Variants in IFT88 observed in about 807,000 individuals in gnomAD.
The protein encoded by IFT88 is intraflagellar transport protein 88 homolog.
A neutral mutation model predicts 119.5 loss-of-function variants in IFT88; 74 were observed. That is an observed-to-expected ratio of 0.62 (90% CI 0.51 to 0.75). IFT88 has a LOEUF of 0.75. IFT88 is among the 30% of genes least tolerant of loss of function. IFT88 has a pLI of 0.00. For missense variants in IFT88, 961 were observed against 977.7 expected (o/e 0.98, Z 0.23); for synonymous variants, 279 against 316.7 (o/e 0.88, Z 1.26).
chr13:20,666,216 C>T lies in IFT88; in HGVS notation c.2175+2612C>T, dbSNP rs534610187. Among the ~76,000 whole-genome samples the T allele has an allele frequency of 2.0e-5, 3 of 152,328 alleles. No homozygotes were observed. The South Asian group carries it at 6.2e-4, about 32-fold the overall frequency. The stretch of plus-strand genomic sequence containing the variant: ...CCTTTCTGGACTTCATTCTTATCAG[C>T]TGTAAAATGAGGATAGCGTTCTAGC... On this transcript the variant is annotated intron_variant, in intron 23 of 25. Transcript: ENST00000351808.
At chr13:20,655,305 G>A (rs539240564) in intron 21 of IFT88, among the ~76,000 whole-genome samples, 2 of 151,846 alleles carry the variant, frequency 1.3e-5, no homozygotes, top group East Asian at 1.9e-4. Context: ...GGTGGTGCAC[G>A]CCTGTAGTCC....
intron 13 of IFT88, among the ~76,000 whole-genome samples, chr13:20,609,866 C>T (rs546149325): frequency 4.6e-5 from 7 of 152,166 alleles, no homozygotes; most frequent in African/African-American, 1.7e-4. Flanking sequence ...GTGCTCAGGT[C>T]TGAGCTGAGG....
intron 24 of IFT88, among the ~76,000 whole-genome samples, chr13:20,678,200 T>G (rs1310661013): frequency 6.6e-6 from 1 of 152,174 alleles, no homozygotes; most frequent in Non-Finnish European, 1.5e-5. Flanking sequence ...CTCTCACACA[T>G]GGTGGTGAAA....
At chr13:20,653,040 T>A (rs2052052267) in intron 20 of IFT88, among the ~76,000 whole-genome samples, 1 of 152,170 alleles carries the variant, frequency 6.6e-6, no homozygotes, top group Non-Finnish European at 1.5e-5. Flanking sequence ...GAATCTTGGA[T>A]TTAGCATGTA....
At chr13:20,578,558 T>A (rs1249739582) in intron 2 of IFT88, among the ~76,000 whole-genome samples, 1 of 151,908 alleles carries the variant, frequency 6.6e-6, no homozygotes, top group Non-Finnish European at 1.5e-5. Flanking sequence ...GTTGTAGTTG[T>A]TGTTGTTTGA....
chr13:20,687,174 G>A (rs9579924), intron 24 of IFT88, among the ~76,000 whole-genome samples: 1 of 152,202 alleles, frequency 6.6e-6, no homozygotes, highest in Admixed American at 6.5e-5. Flanking sequence ...AATGTGTTAA[G>A]ATTTTTTTTG....
intron 14 of IFT88, among the ~76,000 whole-genome samples, chr13:20,621,526 T>TTAAAAAA (rs1476682272): frequency 3.1e-5 from 4 of 130,786 alleles, no homozygotes; most frequent in Middle Eastern, 4.0e-3. Context: ...CCTGCTGAGA[T>TTAAAAAA]AAAAAAAAAA....
intron 2 of IFT88, among the ~76,000 whole-genome samples, chr13:20,576,176 A>G (rs1276981765): frequency 1.3e-5 from 2 of 152,130 alleles, no homozygotes; most frequent in Non-Finnish European, 2.9e-5. Context: ...TTCTTTTTAG[A>G]AATATCTATT....
At chr13:20,578,358 CTTTTTTTTTTT>C (rs1158499742) in intron 2 of IFT88, among the ~76,000 whole-genome samples, 5 of 78,748 alleles carry the variant, frequency 6.3e-5, no homozygotes, top group Non-Finnish European at 1.0e-4. Flanking sequence ...AGTCTTGTTA[CTTTTTTTTTTT>C]TTTTTTTTTT....
intron 24 of IFT88, among the ~76,000 whole-genome samples, chr13:20,681,553 A>G (rs774705902): frequency 2.6e-5 from 4 of 152,276 alleles, no homozygotes; most frequent in Non-Finnish European, 5.9e-5. Flanking sequence ...GTCTAGCGTT[A>G]GATATTTCAG....
chr13:20,594,711 C>A (rs984132132), intron 7 of IFT88, among the ~76,000 whole-genome samples: 3 of 152,106 alleles, frequency 2.0e-5, no homozygotes, highest in Non-Finnish European at 4.4e-5. Context: ...AAATAGAATT[C>A]TATACTTCAT....
At chr13:20,662,168 G>A (rs1415345621) in intron 22 of IFT88, among the ~76,000 whole-genome samples, 1 of 152,168 alleles carries the variant, frequency 6.6e-6, no homozygotes, top group African/African-American at 2.4e-5. Context: ...CTCTGCTGGT[G>A]ATACCCAGGC....
intron 13 of IFT88, 48 bp downstream of exon 13, chr13:20,605,153 ATATT>A: frequency 2.7e-6 from 2 of 749,402 alleles, no homozygotes; most frequent in Non-Finnish European, 4.3e-6. Context: ...ATTATTTAAA[ATATT>A]TAATGTTTAG....
At chr13:20,614,198 A>G (rs1000978921) in intron 13 of IFT88, among the ~76,000 whole-genome samples, 6 of 152,226 alleles carry the variant, frequency 3.9e-5, no homozygotes, top group Admixed American at 1.3e-4. Flanking sequence ...GAAGGCTGCA[A>G]GGTTGCTTCA....
intron 15 of IFT88, among the ~76,000 whole-genome samples, chr13:20,630,676 G>C (rs2048075875): frequency 6.6e-6 from 1 of 152,114 alleles, no homozygotes; most frequent in African/African-American, 2.4e-5. Context: ...TGAGATTATA[G>C]GCATGAGCCA....
rs769528440 is a variant in IFT88 at position 20,663,527 on chromosome 13, G to T, written c.2098G>T (p.Asp700Tyr). ...CLRFLVRLCTDLGLKDAQEYA... is the reference protein window; with the variant it reads ...CLRFLVRLCTYLGLKDAQEYA... ...GCGTTTCTTAGTTCGTCTCTGCACA[G>T]ATCTTGGATTAAAAGATGCTCAAGA... Residue 700 changes from aspartate (D) to tyrosine (Y), a missense_variant, in exon 23 of 26, where the codon GAT becomes TAT. Transcript: ENST00000351808. 1 of 1,613,914 alleles carries T rather than the reference G, an allele frequency of 6.2e-7. No homozygotes were observed. Among genetic ancestry groups the T allele is most frequent in the South Asian group, 1.1e-5 (1 of 91,066 alleles).
chr13:20,592,526 G>C, intron 7 of IFT88, 122 bp downstream of exon 7: 1 of 652,840 alleles, frequency 1.5e-6, no homozygotes, highest in Non-Finnish European at 2.6e-6. Context: ...CTGGAGTGCA[G>C]TGATGCGATC....
intron 8 of IFT88, 101 bp from the exon 9 acceptor site, chr13:20,596,914 G>C: frequency 1.6e-6 from 1 of 620,698 alleles, no homozygotes; most frequent in Non-Finnish European, 2.8e-6. Flanking sequence ...GGAATCTGAG[G>C]ATAGAAAATG....
In IFT88 at chr13:20,620,634, C is replaced by T. The variant is rs537870981; in HGVS notation, c.1199+4755C>T. ...AGGCTGGAGTGCAGTGGCGCGATCTCGGCTCACTGCAACCTCCACCTCCCG... is the reference window on the plus strand; with the variant it reads ...AGGCTGGAGTGCAGTGGCGCGATCTTGGCTCACTGCAACCTCCACCTCCCG... On this transcript the variant is annotated intron_variant, in intron 14 of 25. Transcript: ENST00000351808. Among the ~76,000 whole-genome samples the T allele has an allele frequency of 5.1e-3, 774 of 152,214 alleles. 2 individuals carry two copies. Among genetic ancestry groups the T allele is most frequent in the Non-Finnish European group, 8.1e-3 (549 of 68,014 alleles).
Sources: gnomAD v4.1 joint callset for allele counts (sites outside exome capture counted in the v4.1 genomes callset) on GRCh38, gnomAD v4.1.1 for gene constraint, MANE v1.5 for transcripts, NCBI Gene and HGNC (gene_info 2026-07-23, HGNC 2026-07-21) for gene names.